Variants in PCDHGA4 observed in about 807,000 individuals in gnomAD.
The protein encoded by PCDHGA4 is protocadherin gamma subfamily A, 4.
A neutral mutation model predicts 54.6 loss-of-function variants in PCDHGA4; 38 were observed. That is an observed-to-expected ratio of 0.70 (90% CI 0.54 to 0.91). The LOEUF is 0.91. Ranked by LOEUF, PCDHGA4 falls within the 40% of genes least tolerant of loss-of-function variation. The probability of loss-of-function intolerance (pLI) is 0.00; values close to 1 mark genes in which losing one functional copy is unlikely to be tolerated. For missense variants in PCDHGA4, 1,298 were observed against 1,220.9 expected, an observed-to-expected ratio of 1.06 and a Z score of -0.94; for synonymous variants, 511 against 512.9, an observed-to-expected ratio of 1.00 and a Z score of 0.05.
chr5:141,486,284 C>G lies in PCDHGA4; in HGVS notation c.2515-8523C>G, dbSNP rs1259853159. ...TGCAGAACCTGGCACTGTGGTGGCA[C>G]TTATCAGTGTGCAGGATCCAGACTC... On this transcript the variant is annotated intron_variant, in intron 1 of 3. Transcript: ENST00000571252. This position sits in a 1 kb window ranked among gnomAD's most constrained non-coding sequence, Gnocchi z 5.0. The G allele has an allele frequency of 6.2e-7, 1 of 1,614,050 alleles. No homozygotes were observed. The highest frequency in any genetic ancestry group is 8.5e-7 in the Non-Finnish European group (1 of 1,179,988).
At chr5:141,422,891 A>G in intron 1 of PCDHGA4, 3 of 1,614,192 alleles carry the variant, frequency 1.9e-6, no homozygotes, top group Non-Finnish European at 2.5e-6. Context: ...TTCGTGCTGG[A>G]CCAGAACGAC....
intron 1 of PCDHGA4, chr5:141,365,738 T>A (rs1378974315): frequency 1.9e-6 from 3 of 1,613,586 alleles, no homozygotes; most frequent in Admixed American, 3.3e-5. Context: ...CAGAGGTGTC[T>A]CTATCTTCTC....
chr5:141,476,979 G>A lies in PCDHGA4; in HGVS notation c.2515-17828G>A, dbSNP rs772801536. On this transcript the variant is annotated intron_variant, in intron 1 of 3. Coordinates refer to ENST00000571252, the MANE Select transcript of PCDHGA4 (RefSeq NM_018917.4). The surrounding 1 kb of genome is among the most constrained non-coding windows in gnomAD (Gnocchi z 7.6). ...ATTTACTCCTTCGGCAGCCACAACC[G>A]CGCCGGCGTGCGGCAACTATTCGCC... The A allele has an allele frequency of 1.9e-6, 3 of 1,614,238 alleles. No homozygotes were observed. The South Asian group carries it at 3.3e-5, about 18-fold the overall frequency.
chr5:141,365,419 A>G (rs747311878), intron 1 of PCDHGA4: 4 of 1,613,996 alleles, frequency 2.5e-6, no homozygotes, highest in Non-Finnish European at 3.4e-6. Context: ...GTCTTCCCGG[A>G]ACTGTAATCG....
intron 1 of PCDHGA4, among the ~76,000 whole-genome samples, chr5:141,405,839 G>C (rs2094725144): frequency 6.6e-6 from 1 of 152,134 alleles, no homozygotes; most frequent in African/African-American, 2.4e-5. Context: ...AGTATAAGTT[G>C]ATATCAGTGT....
At chr5:141,375,623 C>G in intron 1 of PCDHGA4, 5 of 1,614,244 alleles carry the variant, frequency 3.1e-6, no homozygotes, top group Non-Finnish European at 3.4e-6. Flanking sequence ...CACTGGGATT[C>G]TGTACGCCCT....
intron 1 of PCDHGA4, among the ~76,000 whole-genome samples, chr5:141,483,652 G>A (rs746306843): frequency 2.0e-5 from 3 of 151,916 alleles, no homozygotes; most frequent in Non-Finnish European, 4.4e-5. Context: ...GTGTGTTTGT[G>A]TGTGTGTGTG....
rs547284271 is a variant in PCDHGA4 at position 141,489,064 on chromosome 5, C to G, written c.2515-5743C>G. On this transcript the variant is annotated intron_variant, in intron 1 of 3. Coordinates refer to ENST00000571252, the MANE Select transcript of PCDHGA4 (RefSeq NM_018917.4). This position sits in a 1 kb window ranked among gnomAD's most constrained non-coding sequence, Gnocchi z 4.5. ...TCCACTCAAATTCAGCTCCCCTCCC[C>G]CCTGCCCACCCCCGCCACTCGGTGA... 1.9e-4 allele frequency: 74 copies of G among 387,742 alleles called. No homozygotes were observed. The highest frequency in any genetic ancestry group is 1.5e-3 in the African/African-American group (70 of 47,296). The allele number at this position is 387,742 out of a possible 1,614,324, so 24.0% of individuals were successfully genotyped here. A position where few individuals can be genotyped will look rare whatever the true frequency, so the allele number is the denominator to read the frequency against.
At position 141,430,969 on chromosome 5, in the gene PCDHGA4, T is replaced by C. The variant is rs560722324; in HGVS notation, c.2515-63838T>C. The C allele has an allele frequency of 1.5e-4, 246 of 1,613,012 alleles. 3 individuals carry two copies. The South Asian group carries it at 2.6e-3, about 17-fold the overall frequency. The stretch of plus-strand genomic sequence containing the variant: ...GCGGAGTCCGCATCATCCCCAGAGG[T>C]AGGACGCAGCTTTTCGCCCTGAATC... On this transcript the variant is annotated intron_variant, in intron 1 of 3. Transcript: ENST00000571252.
chr5:141,494,251 G>C (rs961451413), intron 1 of PCDHGA4, among the ~76,000 whole-genome samples: 2 of 152,214 alleles, frequency 1.3e-5, no homozygotes, highest in African/African-American at 4.8e-5. Context: ...TTAGCTGTGG[G>C]AAGAGATTCT....
In PCDHGA4 at chr5:141,441,877, C is replaced by T. The variant is rs945298341; in HGVS notation, c.2515-52930C>T. ...GCTGCACGCCGCGGAGCCTGGCTACCTGGTCACCAAGGTGGTGGCTGTAGA... is the reference window on the plus strand; with the variant it reads ...GCTGCACGCCGCGGAGCCTGGCTACTTGGTCACCAAGGTGGTGGCTGTAGA... On this transcript the variant is annotated intron_variant, in intron 1 of 3. Transcript: ENST00000571252. 4 of 343,582 alleles carry T rather than the reference C, an allele frequency of 1.2e-5. No homozygotes were observed. In the Admixed American group the frequency reaches 1.6e-4, roughly 13 times the overall value. 21.3% of individuals were successfully genotyped at this position (343,582 alleles called of 1,614,324 possible).
At chr5:141,378,325 C>G (rs1344220335) in intron 1 of PCDHGA4, 1 of 152,200 alleles carries the variant, frequency 6.6e-6, no homozygotes, top group Non-Finnish European at 1.5e-5. Context: ...GAGTTCGAGA[C>G]CAGCCTGACC....
At chr5:141,422,167 A>G in intron 1 of PCDHGA4, 1 of 1,562,764 alleles carries the variant, frequency 6.4e-7, no homozygotes, top group Non-Finnish European at 8.6e-7. Context: ...TGAAAAATAT[A>G]GATTCTATGA....
At position 141,487,382 on chromosome 5, in the gene PCDHGA4, T is replaced by A. The variant is rs755316738; in HGVS notation, c.2515-7425T>A. 6.2e-7 allele frequency: 1 copy of A among 1,614,172 alleles called. No individual in the cohort carries two copies. The highest frequency in any genetic ancestry group is 2.2e-5 in the East Asian group (1 of 44,854). On this transcript the variant is annotated intron_variant, in intron 1 of 3. Transcript: ENST00000571252. The surrounding 1 kb of genome is among the most constrained non-coding windows in gnomAD (Gnocchi z 5.0). ...TGGCACCTGTGCCTGTCTCACCAGA[T>A]CTCGAAGGAGGGAGGGGCTTCCCCC...
intron 2 of PCDHGA4, among the ~76,000 whole-genome samples, chr5:141,500,806 T>C (rs2099802700): frequency 6.6e-6 from 1 of 152,240 alleles, no homozygotes; most frequent in Non-Finnish European, 1.5e-5. Context: ...AGTCCTCATA[T>C]GAATATACAT....
chr5:141,388,384 T>G, intron 1 of PCDHGA4: 3 of 1,614,014 alleles, frequency 1.9e-6, no homozygotes, highest in Non-Finnish European at 2.5e-6. Context: ...AGCAACACAC[T>G]GCAGAATTAC....
intron 1 of PCDHGA4, chr5:141,405,551 A>G: frequency 1.6e-6 from 1 of 623,672 alleles, no homozygotes; most frequent in Non-Finnish European, 2.8e-6. Context: ...TCCCAAGTAG[A>G]GTAGCTGGGA....
At position 141,393,619 on chromosome 5, in the gene PCDHGA4, C is replaced by T. The variant is rs768350628; in HGVS notation, c.2514+35998C>T. 50 of 1,613,708 alleles carry T rather than the reference C, an allele frequency of 3.1e-5. No homozygotes were observed. Among genetic ancestry groups the T allele is most frequent in the Admixed American group, 6.7e-5 (4 of 60,000 alleles). ...CTGCTTACTGTAACAGCCAGCGACC[C>T]GGATGAGGGAATCAACGGAAAAGTG... On this transcript the variant is annotated intron_variant, in intron 1 of 3. Transcript: ENST00000571252.
intron 1 of PCDHGA4, chr5:141,422,005 A>G (rs2154549470): frequency 6.2e-7 from 1 of 1,609,814 alleles, no homozygotes; most frequent in Middle Eastern, 1.7e-4. Context: ...CAGCTCCGGA[A>G]CTCGGGTGCT....
Sources: allele counts gnomAD v4.1 joint callset (sites outside exome capture counted in the v4.1 genomes callset), GRCh38; gene constraint gnomAD v4.1.1; non-coding constraint Gnocchi (gnomAD v3.1); transcripts MANE v1.5; gene names NCBI Gene and HGNC (gene_info 2026-07-23, HGNC 2026-07-21).